Variants in GPCPD1 observed in about 807,000 individuals in gnomAD.
GPCPD1 encodes glycerophosphocholine phosphodiesterase GPCPD1.
Under a neutral mutation model 89.2 loss-of-function variants are expected in GPCPD1, and 29 were observed. That is an observed-to-expected ratio of 0.33 (90% confidence interval 0.24 to 0.44). The LOEUF is 0.44. Among genes scored for constraint, GPCPD1 ranks in the 20% least tolerant of loss-of-function variants. The pLI is 1.00. For missense variants in GPCPD1, 594 were observed against 808.9 expected (o/e 0.73, Z 3.22); for synonymous variants, 258 against 266.3 (o/e 0.97, Z 0.30).
chr20:5,601,185 C>A (rs1394043202), intron 2 of GPCPD1, among the ~76,000 whole-genome samples: 3 of 150,196 alleles, frequency 2.0e-5, no homozygotes, highest in African/African-American at 7.3e-5. Context: ...CCTGTCTGTA[C>A]AAAAAAAAAT....
intron 8 of GPCPD1, among the ~76,000 whole-genome samples, chr20:5,577,444 T>C (rs1978295736): frequency 1.4e-5 from 2 of 147,512 alleles, no homozygotes; most frequent in Admixed American, 1.4e-4. Context: ...GCCCTGATCA[T>C]GTCACTATAC....
chr20:5,559,798 G>C, intron 17 of GPCPD1, 142 bp downstream of exon 17: 1 of 491,128 alleles, frequency 2.0e-6, no homozygotes, highest in Non-Finnish European at 3.7e-6. Context: ...GTCAAGAAAG[G>C]GCATGAGGAA....
chr20:5,600,237 G>A (rs1980031794), intron 2 of GPCPD1, among the ~76,000 whole-genome samples: 1 of 152,206 alleles, frequency 6.6e-6, no homozygotes, highest in Non-Finnish European at 1.5e-5. Context: ...TTCCAAGTGT[G>A]ACAGTCATTC....
At chr20:5,566,118 G>A (rs1170027769) in intron 14 of GPCPD1, among the ~76,000 whole-genome samples, 5 of 152,144 alleles carry the variant, frequency 3.3e-5, no homozygotes, top group South Asian at 4.2e-4. Flanking sequence ...TATTAAAACT[G>A]TATGGTTATC....
chr20:5,578,728 C>CA (rs1424749489), intron 7 of GPCPD1, 117 bp from the exon 8 acceptor site: 2 of 648,798 alleles, frequency 3.1e-6, no homozygotes, highest in African/African-American at 3.6e-5. Flanking sequence ...CTTCGAATAA[C>CA]AAAAATAATG....
chr20:5,551,248 G>A (rs933658095), intron 19 of GPCPD1, among the ~76,000 whole-genome samples: 1 of 152,216 alleles, frequency 6.6e-6, no homozygotes, highest in African/African-American at 2.4e-5. Context: ...AGTTCGGAAA[G>A]TTAAGACTAG....
intron 12 of GPCPD1, 29 bp from the exon 13 acceptor site, chr20:5,567,589 AAAAGAAAGAAT>A (rs1986462830): frequency 6.6e-7 from 1 of 1,524,918 alleles, no homozygotes; most frequent in African/African-American, 1.4e-5. Context: ...GAAAGAAAGA[AAAAGAAAGAAT>A]AAAGAAAATT....
At position 5,607,908 on chromosome 20, in the gene GPCPD1, TGACCACTTCA is replaced by T. The variant is rs150822843; in HGVS notation, c.-29+2924_-29+2933del. ...TCTATCACCCATCAAAAGAGCTGAA[TGACCACTTCA>T]GTCTTAACCTTAACCAAATAAGGTG... is the stretch of plus-strand genomic sequence containing the variant. On this transcript the variant is annotated intron_variant, in intron 1 of 19. Coordinates refer to ENST00000379019, the MANE Select transcript of GPCPD1 (RefSeq NM_019593.5). Among the ~76,000 whole-genome samples, 1,470 of 152,240 alleles carry T rather than the reference TGACCACTTCA, an allele frequency of 9.7e-3. 29 individuals carry two copies. Among genetic ancestry groups the T allele is most frequent in the African/African-American group, 0.034 (1,412 of 41,528 alleles).
intron 2 of GPCPD1, among the ~76,000 whole-genome samples, chr20:5,601,230 CTG>C (rs767333978): frequency 1.3e-5 from 2 of 151,924 alleles, no homozygotes; most frequent in Non-Finnish European, 2.9e-5. Flanking sequence ...TAGCCAGGCA[CTG>C]TGTTGTGCAC....
intron 6 of GPCPD1, among the ~76,000 whole-genome samples, chr20:5,580,529 T>C (rs1242818459): frequency 6.6e-6 from 1 of 151,912 alleles, no homozygotes; most frequent in East Asian, 1.9e-4. Context: ...ATTGAGACCA[T>C]CCTGGCTAAC....
rs532796302 is a variant in GPCPD1 at position 5,583,572 on chromosome 20, A to T, written c.349+709T>A. Among the ~76,000 whole-genome samples, 5 of 152,324 alleles carry T rather than the reference A, an allele frequency of 3.3e-5. No individual in the cohort carries two copies. In the South Asian group the frequency reaches 1.0e-3, roughly 32 times the overall value. ...GTCACTGAAGAAAATTAGAATTCTC[A>T]GGATATAGTATTTACTAAAACAGAA... On this transcript the variant is annotated intron_variant, in intron 6 of 19. Coordinates refer to ENST00000379019, the MANE Select transcript of GPCPD1 (RefSeq NM_019593.5).
chr20:5,556,870 A>C (rs1985800299), intron 19 of GPCPD1, among the ~76,000 whole-genome samples: 2 of 152,208 alleles, frequency 1.3e-5, no homozygotes, highest in South Asian at 4.1e-4. Flanking sequence ...ATTAGTGCCC[A>C]GGAGGATGGA....
chr20:5,579,022 C>CA (rs1260599370), intron 7 of GPCPD1, among the ~76,000 whole-genome samples: 1 of 151,200 alleles, frequency 6.6e-6, no homozygotes, highest in African/African-American at 2.4e-5. Context: ...ACCCCATCTG[C>CA]AAAAAATATA....
intron 12 of GPCPD1, among the ~76,000 whole-genome samples, chr20:5,569,905 C>G (rs1384331950): frequency 1.3e-5 from 2 of 151,900 alleles, no homozygotes; most frequent in Admixed American, 1.3e-4. Flanking sequence ...CTGGAATGTC[C>G]CTTTTTTGTA....
chr20:5,562,194 G>T (rs1307108593), intron 15 of GPCPD1, among the ~76,000 whole-genome samples: 1 of 152,142 alleles, frequency 6.6e-6, no homozygotes, highest in African/African-American at 2.4e-5. Context: ...AACCTCCAAA[G>T]AACGGACTTG....
chr20:5,582,322 ACT>A (rs1159229097), intron 6 of GPCPD1, among the ~76,000 whole-genome samples: 1 of 151,776 alleles, frequency 6.6e-6, no homozygotes, highest in Non-Finnish European at 1.5e-5. Context: ...AGTACTGTAC[ACT>A]GTTTTCTGAT....
At chr20:5,608,889 C>T (rs576670223) in intron 1 of GPCPD1, among the ~76,000 whole-genome samples, 21 of 152,234 alleles carry the variant, frequency 1.4e-4, no homozygotes, top group African/African-American at 4.6e-4. Context: ...TTAAATAACC[C>T]TTTTTAAAAG....
chr20:5,557,498 G>T (rs945244551), intron 19 of GPCPD1, among the ~76,000 whole-genome samples: 6 of 152,186 alleles, frequency 3.9e-5, no homozygotes, highest in African/African-American at 1.4e-4. Context: ...GGTCTGAATT[G>T]TCACTTATAC....
At chr20:5,606,554 A>AAG (rs1215031383) in intron 1 of GPCPD1, among the ~76,000 whole-genome samples, 1 of 152,248 alleles carries the variant, frequency 6.6e-6, no homozygotes, top group African/African-American at 2.4e-5. Context: ...GATCTATACC[A>AAG]GCAGTTCTCA....
Sources: allele counts gnomAD v4.1 joint callset (sites outside exome capture counted in the v4.1 genomes callset), GRCh38; gene constraint gnomAD v4.1.1; transcripts MANE v1.5; gene names NCBI Gene and HGNC (gene_info 2026-07-23, HGNC 2026-07-21).